SLC36A1: variants seen among roughly 807,000 people sequenced by gnomAD.
SLC36A1 encodes proton-coupled amino acid transporter 1.
In SLC36A1, 30 loss-of-function variants were observed where a neutral mutation model predicts 47.5. The ratio of observed to expected loss-of-function variants is 0.63; its 90% confidence interval spans 0.47 to 0.86. SLC36A1 has a LOEUF of 0.86. Ranked by LOEUF, SLC36A1 falls within the 40% of genes least tolerant of loss-of-function variation. The pLI, the probability that SLC36A1 is intolerant of heterozygous loss-of-function variation, is 0.00. For missense variants in SLC36A1, 517 were observed against 606.0 expected (o/e 0.85, Z 1.54); for synonymous variants, 255 against 249.7 (o/e 1.02, Z -0.20).
chr5:151,512,905 C>A, the SLC36A1 span: 2 of 396,582 alleles, frequency 5.0e-6, no homozygotes, highest in African/African-American at 2.0e-5. This position sits in a 1 kb window ranked among gnomAD's most constrained non-coding sequence, Gnocchi z 4.1. Flanking sequence ...ATTTTGGATG[C>A]TTCTTCACAG....
chr5:151,368,199 G>A, the SLC36A1 span, among the ~76,000 whole-genome samples: 15 of 152,268 alleles, frequency 9.9e-5, no homozygotes, highest in African/African-American at 3.6e-4. Flanking sequence ...TGCCAAAACT[G>A]GATGGATCAT....
intron 1 of SLC36A1, among the ~76,000 whole-genome samples, chr5:151,457,676 G>A (rs77145699): frequency 0.015 from 2,219 of 152,210 alleles, 42 homozygotes; most frequent in African/African-American, 0.05. Context: ...CAGCAAGAAA[G>A]GAGTCCCAGG....
chr5:151,415,792 T>A, the SLC36A1 span, among the ~76,000 whole-genome samples: 1 of 152,182 alleles, frequency 6.6e-6, no homozygotes, highest in Non-Finnish European at 1.5e-5. Flanking sequence ...TCTCTATGAA[T>A]AGACTGATCT....
At chr5:151,512,444 G>A in the SLC36A1 span, 4 of 1,614,256 alleles carry the variant, frequency 2.5e-6, no homozygotes, top group Non-Finnish European at 3.4e-6. This position sits in a 1 kb window ranked among gnomAD's most constrained non-coding sequence, Gnocchi z 4.1. Context: ...GGGACCACAA[G>A]GGAGGTGTTG....
the SLC36A1 span, chr5:151,545,154 A>T: frequency 6.2e-7 from 1 of 1,614,188 alleles, no homozygotes; most frequent in Non-Finnish European, 8.5e-7. Flanking sequence ...TGCCCTGGGC[A>T]CCAAGAATCA....
At chr5:151,441,196 G>A (rs905072215) in intron 1 of SLC36A1, among the ~76,000 whole-genome samples, 9 of 152,196 alleles carry the variant, frequency 5.9e-5, no homozygotes, top group African/African-American at 2.2e-4. Context: ...AACTACTCAG[G>A]AGGCTGAGAT....
At chr5:151,381,051 G>T in the SLC36A1 span, 2 of 423,122 alleles carry the variant, frequency 4.7e-6, no homozygotes, top group Admixed American at 3.1e-5. Context: ...TCAGTGGACA[G>T]AGAGAAGCAG....
the SLC36A1 span, among the ~76,000 whole-genome samples, chr5:151,546,537 T>A: frequency 6.6e-6 from 1 of 152,168 alleles, no homozygotes; most frequent in Non-Finnish European, 1.5e-5. Context: ...GTGCTTCATA[T>A]CACCATCAAT....
At chr5:151,532,402 CACACA>C in the SLC36A1 span, among the ~76,000 whole-genome samples, 6 of 152,044 alleles carry the variant, frequency 3.9e-5, no homozygotes, top group South Asian at 1.2e-3. Context: ...CACACACACA[CACACA>C]CACACACACA....
At chr5:151,531,360 T>A in the SLC36A1 span, among the ~76,000 whole-genome samples, 1 of 152,132 alleles carries the variant, frequency 6.6e-6, no homozygotes, top group Non-Finnish European at 1.5e-5. The surrounding 1 kb of genome is among the most constrained non-coding windows in gnomAD (Gnocchi z 5.7). Context: ...GAGACCTGGC[T>A]GCGGACGTGG....
chr5:151,536,497 A>C, the SLC36A1 span, among the ~76,000 whole-genome samples: 1 of 151,932 alleles, frequency 6.6e-6, no homozygotes, highest in African/African-American at 2.4e-5. Context: ...TGTGCTGCCC[A>C]TCTCCACACC....
At chr5:151,543,275 C>T in the SLC36A1 span, 44 of 1,614,060 alleles carry the variant, frequency 2.7e-5, no homozygotes, top group Non-Finnish European at 3.6e-5. Context: ...GTGACATCTG[C>T]GTTCTGACCT....
chr5:151,348,550 G>T, the SLC36A1 span, among the ~76,000 whole-genome samples: 29 of 152,182 alleles, frequency 1.9e-4, no homozygotes, highest in African/African-American at 7.0e-4. Flanking sequence ...AGACAGATTT[G>T]TCAGGCCCCT....
At chr5:151,397,167 T>C in the SLC36A1 span, among the ~76,000 whole-genome samples, 1 of 152,236 alleles carries the variant, frequency 6.6e-6, no homozygotes, top group East Asian at 1.9e-4. Context: ...ATGATCGTTA[T>C]ACCAGCTCCT....
chr5:151,548,070 C>A, the SLC36A1 span, among the ~76,000 whole-genome samples: 2 of 152,140 alleles, frequency 1.3e-5, no homozygotes, highest in African/African-American at 4.8e-5. Context: ...AAAAAGCAAG[C>A]AATGCATTAT....
chr5:151,534,573 G>A, the SLC36A1 span: 19 of 1,614,102 alleles, frequency 1.2e-5, no homozygotes, highest in African/African-American at 5.3e-5. Flanking sequence ...ACCTCCATCC[G>A]TCGCCTTGGC....
At chr5:151,464,457 C>T (rs1756033402) in intron 3 of SLC36A1, 57 bp from the exon 4 acceptor site, 2 of 1,450,800 alleles carry the variant, frequency 1.4e-6, no homozygotes, top group Non-Finnish European at 9.6e-7. Context: ...CCATTGGGTT[C>T]ACTCCTAATT....
At chr5:151,478,650 A>T (rs1758394901) in intron 9 of SLC36A1, among the ~76,000 whole-genome samples, 1 of 152,212 alleles carries the variant, frequency 6.6e-6, no homozygotes, top group Non-Finnish European at 1.5e-5. Context: ...TGAGATTTTC[A>T]AAAGGTATAT....
At chr5:151,543,614 C>G in the SLC36A1 span, 2 of 1,614,188 alleles carry the variant, frequency 1.2e-6, no homozygotes, top group Non-Finnish European at 8.5e-7. Context: ...TTGTCTATGG[C>G]TAGCAAATCA....
Sources: gnomAD v4.1 joint callset for allele counts (sites outside exome capture counted in the v4.1 genomes callset) on GRCh38, gnomAD v4.1.1 for gene constraint, Gnocchi (gnomAD v3.1) non-coding constraint, MANE v1.5 for transcripts, NCBI Gene and HGNC (gene_info 2026-07-23, HGNC 2026-07-21) for gene names.